SPX: variants seen among roughly 807,000 people sequenced by gnomAD.
The protein encoded by SPX is spexin hormone, also known as spexin.
In SPX, 22 loss-of-function variants were observed where a neutral mutation model predicts 19.2. The ratio of observed to expected loss-of-function variants is 1.15; its 90% CI spans 0.82 to 1.64. The LOEUF (loss-of-function observed/expected upper bound fraction) is 1.64. SPX is among the 40% of genes most tolerant of loss of function. SPX has a pLI of 0.00. For missense variants in SPX, 143 were observed against 137.7 expected (o/e 1.04, Z -0.19); for synonymous variants, 50 against 53.3 (o/e 0.94, Z 0.27).
chr12:21,530,744 C>A (rs992547143), intron 5 of SPX, among the ~76,000 whole-genome samples: 6 of 152,070 alleles, frequency 3.9e-5, no homozygotes, highest in Non-Finnish European at 5.9e-5. Flanking sequence ...TCATCTTTCC[C>A]GAGCAAGATC....
At chr12:21,527,609 T>G (rs1943826560) in intron 3 of SPX, 118 bp from the exon 4 acceptor site, 2 of 1,042,332 alleles carry the variant, frequency 1.9e-6, no homozygotes, top group Non-Finnish European at 2.9e-6. Flanking sequence ...GACCCTATCC[T>G]GGAGCAACCT....
intron 4 of SPX, among the ~76,000 whole-genome samples, chr12:21,528,401 TGTATTAACAAATAACAATACAATTTGATG>T (rs1344461264): frequency 6.6e-6 from 1 of 152,222 alleles, no homozygotes; most frequent in Non-Finnish European, 1.5e-5. Flanking sequence ...TCCATCGTAT[TGTATTAACAAATAACAATACAATTTGATG>T]AAATTGTAAA....
chr12:21,530,536 G>A (rs1456718406), intron 5 of SPX, among the ~76,000 whole-genome samples: 2 of 152,122 alleles, frequency 1.3e-5, no homozygotes, highest in African/African-American at 4.8e-5. Context: ...GTAACTTTTA[G>A]TCATTCTATC....
intron 2 of SPX, 77 bp downstream of exon 2, chr12:21,527,043 G>A (rs1023655009): frequency 6.3e-7 from 1 of 1,586,734 alleles, no homozygotes. Context: ...CTTCCTTCTT[G>A]TTTTATTCTC....
chr12:21,527,433 C>T, intron 3 of SPX: 3 of 599,990 alleles, frequency 5.0e-6, no homozygotes. Context: ...TTCTCTTGGT[C>T]CAAATGGGGA....
Position 21,529,014 on chromosome 12 carries a change from A to C in SPX, c.222A>C (p.Pro74=). The part of the protein sequence containing the change: ...SDRPLPERRS[P]NPQLLTIPEA... ...TTGTTTCTGCAGAAAGACGAAGCCC[A>C]AATCCCCAACTACTAACTATTCCGG... Residue 74 remains proline (P), a synonymous_variant, in exon 5 of 6, where the codon CCA becomes CCC. Coordinates refer to ENST00000256969, the MANE Select transcript of SPX (RefSeq NM_030572.4). The C allele has an allele frequency of 6.2e-7, 1 of 1,614,170 alleles. No homozygotes were observed.
chr12:21,527,914 C>CT (rs1943830513), intron 4 of SPX, 125 bp downstream of exon 4: 2 of 1,136,200 alleles, frequency 1.8e-6, no homozygotes, highest in African/African-American at 1.6e-5. Context: ...GGCTCTGAGG[C>CT]GCCCTCAGAT....
chr12:21,530,191 ATAAAT>A (rs1275123179), intron 5 of SPX, among the ~76,000 whole-genome samples: 1 of 152,200 alleles, frequency 6.6e-6, no homozygotes, highest in Admixed American at 6.5e-5. Context: ...TTCCCATATG[ATAAAT>A]TAATCACTAG....
chr12:21,526,745 G>A (rs1943818080), intron 1 of SPX, 141 bp from the exon 2 acceptor site: 1 of 848,242 alleles, frequency 1.2e-6, no homozygotes, highest in East Asian at 2.5e-5. Context: ...AAGGTAGAAG[G>A]GAAACACCTC....
Position 21,532,194 on chromosome 12 carries a change from ATAATG to A in SPX, c.*1002_*1006del, listed in dbSNP as rs1463728767. The stretch of plus-strand genomic sequence containing the variant: ...CACACATACTCCTGTGGCAAACATA[ATAATG>A]TATTTATTTAGAATTATAATATGAC... On this transcript the variant is annotated 3_prime_UTR_variant, in exon 6 of 6. Transcript: ENST00000256969. The A allele has an allele frequency of 8.5e-5, 13 of 152,188 alleles. No individual in the cohort carries two copies. The highest frequency in any genetic ancestry group is 1.9e-4 in the Non-Finnish European group (13 of 68,030). The allele number at this position is 152,188 out of a possible 1,614,324, so 9.4% of individuals were successfully genotyped here.
At chr12:21,528,079 TC>T in intron 4 of SPX, 1 of 407,910 alleles carries the variant, frequency 2.5e-6, no homozygotes, top group East Asian at 4.5e-5. Context: ...TTGCGGCTGT[TC>T]AGCCAGCCCT....
At chr12:21,531,031 G>A in intron 5 of SPX, 106 bp from the exon 6 acceptor site, 1 of 728,740 alleles carries the variant, frequency 1.4e-6, no homozygotes. Context: ...AGTTAACATA[G>A]CTTAGAAGGC....
intron 3 of SPX, chr12:21,527,498 T>TG (rs1269832133): frequency 1.6e-6 from 1 of 609,618 alleles, no homozygotes; most frequent in Non-Finnish European, 2.9e-6. Flanking sequence ...AAAGCGCCCT[T>TG]GCGGCGTCCG....
intron 5 of SPX, 105 bp from the exon 6 acceptor site, chr12:21,531,032 C>A: frequency 1.4e-6 from 1 of 732,408 alleles, no homozygotes; most frequent in South Asian, 1.8e-5. Context: ...GTTAACATAG[C>A]TTAGAAGGCT....
intron 5 of SPX, among the ~76,000 whole-genome samples, chr12:21,530,579 C>CT (rs1943855379): frequency 6.6e-6 from 1 of 152,150 alleles, no homozygotes; most frequent in South Asian, 2.1e-4. Flanking sequence ...CTGCTATTGT[C>CT]TAACTCTTTA....
intron 5 of SPX, 21 bp downstream of exon 5, chr12:21,529,105 T>C: frequency 6.3e-7 from 1 of 1,596,080 alleles, no homozygotes; most frequent in South Asian, 1.1e-5. Flanking sequence ...AGTGGCCTCT[T>C]TCACCTGCAT....
intron 4 of SPX, chr12:21,528,009 C>T (rs980600357): frequency 3.7e-6 from 2 of 543,448 alleles, no homozygotes; most frequent in Non-Finnish European, 6.5e-6. Context: ...CGTCCAGCCC[C>T]GCGCCAATGG....
intron 2 of SPX, 69 bp from the exon 3 acceptor site, chr12:21,527,066 T>G: frequency 6.3e-7 from 1 of 1,587,504 alleles, no homozygotes; most frequent in Non-Finnish European, 8.6e-7. Flanking sequence ...CTTTTTCCTT[T>G]ATTTTGCTGT....
chr12:21,527,664 G>A (rs1943827125), intron 3 of SPX, 63 bp from the exon 4 acceptor site: 2 of 1,497,772 alleles, frequency 1.3e-6, no homozygotes, highest in Admixed American at 3.9e-5. Flanking sequence ...GGGAGGAGCT[G>A]AGGTTTAAGC....
Sources: gnomAD v4.1 joint callset for allele counts (sites outside exome capture counted in the v4.1 genomes callset) on GRCh38, gnomAD v4.1.1 for gene constraint, MANE v1.5 for transcripts, NCBI Gene and HGNC (gene_info 2026-07-23, HGNC 2026-07-21) for gene names.